Variants in MAST4 observed in about 807,000 individuals in gnomAD.
The protein encoded by MAST4 is microtubule-associated serine/threonine-protein kinase 4.
A neutral mutation model predicts 162.7 loss-of-function variants in MAST4; 89 were observed. The ratio of observed to expected loss-of-function variants is 0.55; its 90% confidence interval spans 0.46 to 0.65. The LOEUF (loss-of-function observed/expected upper bound fraction) is 0.65. MAST4 is among the 30% of genes least tolerant of loss of function. The probability of loss-of-function intolerance (pLI) is 0.00; values close to 1 mark genes in which losing one functional copy is unlikely to be tolerated. For missense variants in MAST4, 3,153 were observed against 3,374.0 expected (o/e 0.93, Z 1.62); for synonymous variants, 1,479 against 1,361.1 (o/e 1.09, Z -1.91).
intron 1 of MAST4, among the ~76,000 whole-genome samples, chr5:66,666,007 C>T (rs1747232720): frequency 6.6e-6 from 1 of 152,164 alleles, no homozygotes; most frequent in Admixed American, 6.5e-5. Context: ...TCAAAAATAC[C>T]AGTACATGGG....
At chr5:67,052,594 A>G (rs1758324994) in intron 4 of MAST4, among the ~76,000 whole-genome samples, 1 of 152,118 alleles carries the variant, frequency 6.6e-6, no homozygotes, top group Non-Finnish European at 1.5e-5. Flanking sequence ...AGTTTTAAGT[A>G]TATCAGCATA....
intron 3 of MAST4, among the ~76,000 whole-genome samples, chr5:66,867,918 A>G (rs1760647651): frequency 6.6e-6 from 1 of 152,248 alleles, no homozygotes; most frequent in Non-Finnish European, 1.5e-5. Context: ...ACAGTGCCAG[A>G]GTCTGAAGGC....
rs756768607 is a variant in MAST4, at chr5:67,131,866, G to A, written c.2008G>A (p.Ala670Thr). The A allele has an allele frequency of 1.9e-6, 3 of 1,613,196 alleles. No individual in the cohort carries two copies. Among genetic ancestry groups the A allele is most frequent in the Non-Finnish European group, 2.5e-6 (3 of 1,179,360 alleles). Residue 670 changes from alanine to threonine, a missense_variant, in exon 16 of 29, where the codon GCC becomes ACC. Physicochemically the swap from Ala to Thr is moderately conservative, Grantham distance 58 (BLOSUM62 0). Around this residue, in one of 7 missense-constraint regions of MAST4, gnomAD observed 131 missense variants for 253.8 expected, o/e 0.52. Coordinates refer to ENST00000403625, the MANE Select transcript of MAST4 (RefSeq NM_001164664.2). The stretch of plus-strand genomic sequence containing the variant: ...CATGGGTCCTCTCCCTGTTGATATG[G>A]CCAGAATGTACTTTGCTGAGACGGT... ...KNMGPLPVDM[A>T]RMYFAETVLA...
chr5:66,627,668 A>G (rs1351935852), intron 1 of MAST4, among the ~76,000 whole-genome samples: 1 of 152,128 alleles, frequency 6.6e-6, no homozygotes, highest in Non-Finnish European at 1.5e-5. Context: ...CATGGTCATT[A>G]TCATTTTAGT....
At chr5:66,994,144 C>T (rs766922498) in intron 4 of MAST4, among the ~76,000 whole-genome samples, 4 of 151,638 alleles carry the variant, frequency 2.6e-5, no homozygotes, top group South Asian at 4.2e-4. Flanking sequence ...GAGGAAGGAA[C>T]GGTACCGCAT....
Position 66,604,065 on chromosome 5 carries a change from A to G in MAST4, c.363+7047A>G, listed in dbSNP as rs188647385. On this transcript the variant is annotated intron_variant, in intron 1 of 28. Transcript: ENST00000403625. ...TCCTAGGAGGGATTGGATAATAGTC[A>G]TCTGTGCTTCCAGGGTTAGGAGAGA... Among the ~76,000 whole-genome samples, 7 of 152,300 alleles carry G rather than the reference A, an allele frequency of 4.6e-5. No individual in the cohort carries two copies. The East Asian group carries it at 1.2e-3, about 25-fold the overall frequency.
At chr5:66,999,817 G>A (rs1561517355) in intron 4 of MAST4, among the ~76,000 whole-genome samples, 2 of 151,918 alleles carry the variant, frequency 1.3e-5, no homozygotes, top group African/African-American at 4.8e-5. Context: ...GTATTTTCCA[G>A]GATGATACAA....
chr5:66,606,079 T>TACC (rs201996972), intron 1 of MAST4, among the ~76,000 whole-genome samples: 3,305 of 152,348 alleles, frequency 0.022, 120 homozygotes, highest in African/African-American at 0.075. Context: ...TGTATCAGGT[T>TACC]ACCTGTCATT....
At chr5:67,044,217 G>A (rs1020668195) in intron 4 of MAST4, among the ~76,000 whole-genome samples, 1 of 152,052 alleles carries the variant, frequency 6.6e-6, no homozygotes, top group African/African-American at 2.4e-5. Context: ...ACTCTTTAAT[G>A]TGTGTCTTTG....
chr5:66,596,981 G>T lies in MAST4; in HGVS notation c.326G>T (p.Arg109Leu). 2 of 1,448,948 alleles carry T rather than the reference G, an allele frequency of 1.4e-6. No individual in the cohort carries two copies. Among genetic ancestry groups the T allele is most frequent in the South Asian group, 1.4e-5 (1 of 73,350 alleles). The allele number at this position is 1,448,948 out of a possible 1,614,324, so 89.8% of individuals were successfully genotyped here. ...LPGGAVPPAPRGSSASQEEQD... is the reference protein window; with the variant it reads ...LPGGAVPPAPLGSSASQEEQD... ...GGAGGAGCTGTGCCGCCCGCGCCCC[G>T]GGGCAGCAGCGCGTCCCAGGAGGAG... The change falls in exon 1 of 29, where the codon CGG (arginine) becomes CTG (leucine). Residue 109 changes from arginine (R) to leucine (L), a missense_variant. Transcript: ENST00000403625.
At chr5:67,069,349 T>C (rs1760648328) in intron 5 of MAST4, among the ~76,000 whole-genome samples, 2 of 146,974 alleles carry the variant, frequency 1.4e-5, no homozygotes, top group African/African-American at 5.1e-5. Context: ...TGTACCTTCA[T>C]ATTTCTAGTT....
intron 4 of MAST4, among the ~76,000 whole-genome samples, chr5:66,908,579 G>A (rs367945856): frequency 6.6e-6 from 1 of 152,154 alleles, no homozygotes; most frequent in African/African-American, 2.4e-5. Context: ...AAAAGCAGGG[G>A]CAGAAGTTCC....
At chr5:67,080,968 A>G (rs1181794391) in intron 5 of MAST4, among the ~76,000 whole-genome samples, 6 of 134,478 alleles carry the variant, frequency 4.5e-5, no homozygotes, top group Non-Finnish European at 7.7e-5. Flanking sequence ...ATAATTGTAT[A>G]TATTATATAA....
chr5:67,007,690 ACT>A (rs1752198235), intron 4 of MAST4, among the ~76,000 whole-genome samples: 1 of 151,986 alleles, frequency 6.6e-6, no homozygotes, highest in South Asian at 2.1e-4. Context: ...ATGGTTTCAG[ACT>A]CTTACCTTAA....
chr5:66,875,595 TG>T (rs1163864935), intron 3 of MAST4, among the ~76,000 whole-genome samples: 1 of 152,262 alleles, frequency 6.6e-6, no homozygotes, highest in Non-Finnish European at 1.5e-5. Context: ...AGGCACTTAA[TG>T]AGTACCAAAT....
In MAST4 at chr5:66,924,396, A is replaced by ATT. The variant is rs577279658; in HGVS notation, c.674+24428_674+24429dup. Among the ~76,000 whole-genome samples the ATT allele has an allele frequency of 9.7e-5, 14 of 144,710 alleles. No individual in the cohort carries two copies. The East Asian group carries it at 1.4e-3, about 15-fold the overall frequency. 94.9% of individuals were successfully genotyped at this position (144,710 alleles called of 152,430 possible). On this transcript the variant is annotated intron_variant, in intron 4 of 28. Coordinates refer to ENST00000403625, the MANE Select transcript of MAST4 (RefSeq NM_001164664.2). ...GACTACTTGGTCTTTGTAGAAAATAATTTTTTTTTTTTTTTGAGATGGAGT... is the reference window on the plus strand; with the variant it reads ...GACTACTTGGTCTTTGTAGAAAATAATTTTTTTTTTTTTTTTTGAGATGGAGT...
intron 4 of MAST4, among the ~76,000 whole-genome samples, chr5:67,012,518 T>C (rs142158782): frequency 3.5e-4 from 53 of 152,290 alleles, no homozygotes; most frequent in African/African-American, 1.2e-3. Context: ...GTAATCCTTT[T>C]GAAACTTACA....
chr5:66,758,053 G>A (rs536484491), intron 1 of MAST4, among the ~76,000 whole-genome samples: 1 of 151,370 alleles, frequency 6.6e-6, no homozygotes, highest in Non-Finnish European at 1.5e-5. Flanking sequence ...ATTTGAAAGG[G>A]TGTGTTTTTT....
Position 67,049,039 on chromosome 5 carries a change from ATACGTG to A in MAST4, c.675-5362_675-5357del, listed in dbSNP as rs1327798763. 1.2e-4 allele frequency among the ~76,000 whole-genome samples: 11 copies of A among 89,360 alleles called. No individual in the cohort carries two copies. In the South Asian group the frequency reaches 2.3e-3, roughly 19 times the overall value. 58.6% of individuals were successfully genotyped at this position (89,360 alleles called of 152,430 possible). A position where few individuals can be genotyped will look rare whatever the true frequency, so the allele number is the denominator to read the frequency against. On this transcript the variant is annotated intron_variant, in intron 4 of 28. Coordinates refer to ENST00000403625, the MANE Select transcript of MAST4 (RefSeq NM_001164664.2). ...TATATATACGTATATATATATATATATACGTGTATATATATATATACGTATATATAT... is the reference window on the plus strand; with the variant it reads ...TATATATACGTATATATATATATATATATATATATATATACGTATATATAT...
Sources: allele counts gnomAD v4.1 joint callset (sites outside exome capture counted in the v4.1 genomes callset), GRCh38; gene constraint gnomAD v4.1.1; regional missense constraint gnomAD v4.1.1; transcripts MANE v1.5; gene names NCBI Gene and HGNC (gene_info 2026-07-23, HGNC 2026-07-21).